The following DNAJC1 variants were observed in gnomAD, a reference collection of about 807,000 sequenced individuals.
The protein encoded by DNAJC1 is dnaJ homolog subfamily C member 1.
In DNAJC1, 58 loss-of-function variants were observed where a neutral mutation model predicts 76.6. The ratio of observed to expected loss-of-function variants is 0.76; its 90% CI spans 0.61 to 0.94. DNAJC1 has a LOEUF of 0.94. DNAJC1 is among the 40% of genes least tolerant of loss of function. The pLI is 0.00. For missense variants in DNAJC1, 689 were observed against 677.3 expected (o/e 1.02, Z -0.19); for synonymous variants, 258 against 267.9 (o/e 0.96, Z 0.36).
At chr10:21,975,653 C>CGGCGA (rs1438272988) in intron 1 of DNAJC1, among the ~76,000 whole-genome samples, 2 of 147,884 alleles carry the variant, frequency 1.4e-5, no homozygotes, top group Non-Finnish European at 3.0e-5. Context: ...TACTTACTGT[C>CGGCGA]CCTCTGTTAG....
intron 1 of DNAJC1, among the ~76,000 whole-genome samples, chr10:21,992,837 A>G (rs1342590702): frequency 6.6e-6 from 1 of 152,216 alleles, no homozygotes; most frequent in Non-Finnish European, 1.5e-5. Context: ...CTCTTCATAC[A>G]GTGGATCGTT....
chr10:21,758,838 G>A (rs536330102), intron 11 of DNAJC1, among the ~76,000 whole-genome samples: 4 of 152,306 alleles, frequency 2.6e-5, no homozygotes, highest in East Asian at 3.9e-4. Context: ...GTGAGGCAGC[G>A]CCGGCTGAGC....
At chr10:21,909,025 A>G (rs540470239) in intron 6 of DNAJC1, among the ~76,000 whole-genome samples, 43 of 152,256 alleles carry the variant, frequency 2.8e-4, no homozygotes, top group African/African-American at 1.0e-3. Flanking sequence ...TAGCTGGGAT[A>G]ACAGGTGCCC....
At chr10:21,779,448 G>A (rs1386121921) in intron 9 of DNAJC1, among the ~76,000 whole-genome samples, 1 of 152,230 alleles carries the variant, frequency 6.6e-6, no homozygotes, top group African/African-American at 2.4e-5. Context: ...AATATCCGCT[G>A]TTCTGCAGCC....
At chr10:21,906,010 C>T (rs112415321) in intron 6 of DNAJC1, among the ~76,000 whole-genome samples, 3,538 of 152,180 alleles carry the variant, frequency 0.023, 118 homozygotes, top group African/African-American at 0.08. Context: ...TTTTCGTCTA[C>T]GACTGTGTCC....
At chr10:21,873,610 C>T (rs912964498) in intron 8 of DNAJC1, among the ~76,000 whole-genome samples, 6 of 152,094 alleles carry the variant, frequency 3.9e-5, no homozygotes, top group South Asian at 2.1e-4. Flanking sequence ...ACAACAAATG[C>T]GAAAGGGAGT....
intron 1 of DNAJC1, among the ~76,000 whole-genome samples, chr10:21,932,822 C>A (rs1300918315): frequency 6.6e-6 from 1 of 152,126 alleles, no homozygotes; most frequent in South Asian, 2.1e-4. Context: ...AGGGTTTTGC[C>A]ATGTTGCCCA....
At chr10:21,800,567 T>C (rs1323714481) in intron 9 of DNAJC1, among the ~76,000 whole-genome samples, 1 of 152,222 alleles carries the variant, frequency 6.6e-6, no homozygotes, top group Non-Finnish European at 1.5e-5. Context: ...AATGATATCA[T>C]GGCAGCATGG....
intron 8 of DNAJC1, among the ~76,000 whole-genome samples, chr10:21,832,780 T>C (rs762625198): frequency 1.3e-5 from 2 of 152,242 alleles, no homozygotes; most frequent in Non-Finnish European, 2.9e-5. Context: ...ATTTCTAATA[T>C]GTGGACAACA....
chr10:21,901,027 C>A (rs1170154711), intron 7 of DNAJC1, among the ~76,000 whole-genome samples: 1 of 152,182 alleles, frequency 6.6e-6, no homozygotes. Flanking sequence ...CATTCTGTCC[C>A]CCCACTTTCT....
In DNAJC1 at chr10:21,949,447, C is replaced by T. The variant is rs370963960; in HGVS notation, c.223-20306G>A. On this transcript the variant is annotated intron_variant, in intron 1 of 11. Coordinates refer to ENST00000376980, the MANE Select transcript of DNAJC1 (RefSeq NM_022365.4). Reference sequence around the variant, plus strand: ...TTTTTTTTTTTGAGATGGAGTCTCTCGCTTTGTTGCCCAGGCTAGAGTGCA... The same window carrying T: ...TTTTTTTTTTTGAGATGGAGTCTCTTGCTTTGTTGCCCAGGCTAGAGTGCA... Among the ~76,000 whole-genome samples the T allele has an allele frequency of 6.7e-5, 8 of 120,048 alleles. No homozygotes were observed. The East Asian group carries it at 1.1e-3, about 16-fold the overall frequency. 78.8% of individuals were successfully genotyped at this position (120,048 alleles called of 152,430 possible). A position where few individuals can be genotyped will look rare whatever the true frequency, so the allele number is the denominator to read the frequency against.
chr10:21,949,988 A>C (rs577636005), intron 1 of DNAJC1, among the ~76,000 whole-genome samples: 12 of 151,898 alleles, frequency 7.9e-5, no homozygotes, highest in Non-Finnish European at 1.8e-4. Flanking sequence ...CATGTCATAT[A>C]ATTTTCTCCT....
intron 9 of DNAJC1, among the ~76,000 whole-genome samples, chr10:21,777,547 C>A (rs1834467552): frequency 1.3e-5 from 2 of 152,160 alleles, no homozygotes; most frequent in African/African-American, 4.8e-5. Context: ...ACACCTTGCT[C>A]TCAAATTTAT....
In DNAJC1 at chr10:21,826,403, G is replaced by A. The variant is rs575620677; in HGVS notation, c.979-20304C>T. Among the ~76,000 whole-genome samples, 20 of 152,090 alleles carry A rather than the reference G, an allele frequency of 1.3e-4. No individual in the cohort carries two copies. The South Asian group carries it at 4.2e-3, about 32-fold the overall frequency. ...ACTCCTGGGCTCAAGCAATCTTCCTGCCTCAGCCTCCTGAATTGTTAGGAT... is the reference window on the plus strand; with the variant it reads ...ACTCCTGGGCTCAAGCAATCTTCCTACCTCAGCCTCCTGAATTGTTAGGAT... On this transcript the variant is annotated intron_variant, in intron 8 of 11. Transcript: ENST00000376980.
intron 8 of DNAJC1, among the ~76,000 whole-genome samples, chr10:21,811,164 T>C (rs1028326798): frequency 6.6e-6 from 1 of 152,112 alleles, no homozygotes; most frequent in African/African-American, 2.4e-5. Context: ...GCTCACGGGG[T>C]GACCCACCGC....
At chr10:21,815,989 C>T (rs904126902) in intron 8 of DNAJC1, among the ~76,000 whole-genome samples, 17 of 151,752 alleles carry the variant, frequency 1.1e-4, no homozygotes, top group African/African-American at 3.9e-4. Flanking sequence ...AGTGATCCGC[C>T]TGTATCGGCC....
At chr10:21,839,066 C>A (rs1030075636) in intron 8 of DNAJC1, among the ~76,000 whole-genome samples, 1 of 152,182 alleles carries the variant, frequency 6.6e-6, no homozygotes, top group Non-Finnish European at 1.5e-5. Context: ...AACAAAGACT[C>A]AACATACCAG....
intron 9 of DNAJC1, among the ~76,000 whole-genome samples, chr10:21,770,402 T>C (rs983266042): frequency 3.4e-5 from 5 of 145,848 alleles, no homozygotes; most frequent in Admixed American, 3.4e-4. Context: ...CTTCTTTTTT[T>C]TTTTTTTTTT....
At chr10:21,812,369 T>C (rs1314721214) in intron 8 of DNAJC1, among the ~76,000 whole-genome samples, 1 of 152,182 alleles carries the variant, frequency 6.6e-6, no homozygotes, top group African/African-American at 2.4e-5. Flanking sequence ...ACAAATGATC[T>C]TGAATATCTT....
Sources: allele counts gnomAD v4.1 joint callset (sites outside exome capture counted in the v4.1 genomes callset), GRCh38; gene constraint gnomAD v4.1.1; transcripts MANE v1.5; gene names NCBI Gene and HGNC (gene_info 2026-07-23, HGNC 2026-07-21).